Variants in UGT2B15 observed in about 807,000 individuals in gnomAD.
UGT2B15 encodes the protein UDP glucuronosyltransferase family 2 member B15.
UGT2B15 carries 36 observed loss-of-function variants against 45.9 expected under a neutral mutation model. The observed-to-expected ratio is 0.78, with a 90% CI of 0.60 to 1.04. The LOEUF (loss-of-function observed/expected upper bound fraction) is 1.04. Ranked by LOEUF, UGT2B15 falls within the 50% of genes least tolerant of loss-of-function variation. UGT2B15 has a pLI of 0.00. For missense variants in UGT2B15, 617 were observed against 622.4 expected (o/e 0.99, Z 0.09); for synonymous variants, 219 against 216.4 (o/e 1.01, Z -0.11).
chr4:68,663,225 G>A, intron 2 of UGT2B15, 86 bp from the exon 3 acceptor site: 2 of 1,302,606 alleles, frequency 1.5e-6, no homozygotes, highest in Non-Finnish European at 2.1e-6. Flanking sequence ...TCTAAGATGA[G>A]AAAGTCAGAA....
rs543587432 is a variant in UGT2B15, at chr4:68,655,018, G to A, written c.1093+77C>T. Reference sequence around the variant, plus strand: ...TTTTCCAATAATAAATGCTAAATATGTTTGTTTTATGTTGAACTATTATCA... The same window carrying A: ...TTTTCCAATAATAAATGCTAAATATATTTGTTTTATGTTGAACTATTATCA... On this transcript the variant is annotated intron_variant, in intron 4 of 5. Coordinates refer to ENST00000338206, the MANE Select transcript of UGT2B15 (RefSeq NM_001076.4). The A allele has an allele frequency of 6.8e-5, 101 of 1,482,702 alleles. 3 individuals carry two copies. In the South Asian group the frequency reaches 1.1e-3, roughly 16 times the overall value. The allele number at this position is 1,482,702 out of a possible 1,614,324, so 91.8% of individuals were successfully genotyped here. A position where few individuals can be genotyped will look rare whatever the true frequency, so the allele number is the denominator to read the frequency against.
chr4:68,654,568 T>C (rs1283464805), intron 4 of UGT2B15, among the ~76,000 whole-genome samples: 1 of 151,908 alleles, frequency 6.6e-6, no homozygotes, highest in African/African-American at 2.4e-5. Context: ...ACTTAAAATA[T>C]TTAAAATATT....
rs182035914 is a variant in UGT2B15, at chr4:68,669,435, C to T, written c.724+460G>A. ...CTCAACTGTGAAGGAATCCTTCTTA[C>T]ATGAAAAACAAAATTTAATTTCTAA... is the stretch of plus-strand genomic sequence containing the variant. On this transcript the variant is annotated intron_variant, in intron 1 of 5. Coordinates refer to ENST00000338206, the MANE Select transcript of UGT2B15 (RefSeq NM_001076.4). Among the ~76,000 whole-genome samples the T allele has an allele frequency of 3.0e-3, 450 of 152,096 alleles. 3 individuals are homozygous for T. Among genetic ancestry groups the T allele is most frequent in the African/African-American group, 0.01 (420 of 41,472 alleles).
intron 3 of UGT2B15, among the ~76,000 whole-genome samples, chr4:68,660,375 C>A (rs559156059): frequency 6.6e-6 from 1 of 151,950 alleles, no homozygotes; most frequent in South Asian, 2.1e-4. Context: ...GAGAGGAATT[C>A]ACCCAACTCG....
chr4:68,654,254 G>A lies in UGT2B15; in HGVS notation c.1096C>T (p.His366Tyr), dbSNP rs770353276. The stretch of plus-strand genomic sequence containing the variant: ...GTTATAAAAGCTTTGGTTTTGGGAT[G>A]ACCTAAAAGTGGATGCATTTTAACA... ...KWLPQNDLLG[H>Y]PKTKAFITHG... Residue 366 changes from histidine to tyrosine, a missense_variant and splice_region_variant, in exon 5 of 6, where the codon CAT becomes TAT. Physicochemically the swap from His to Tyr is moderately conservative, Grantham distance 83. Around this residue, in one of 3 missense-constraint regions of UGT2B15, gnomAD observed 265 missense variants for 245.1 expected, o/e 1.08. Coordinates refer to ENST00000338206, the MANE Select transcript of UGT2B15 (RefSeq NM_001076.4). The A allele has an allele frequency of 5.0e-6, 8 of 1,611,786 alleles. No homozygotes were observed. The highest frequency in any genetic ancestry group is 6.8e-6 in the Non-Finnish European group (8 of 1,178,732).
chr4:68,664,266 C>CAAA (rs151053424), intron 2 of UGT2B15, among the ~76,000 whole-genome samples: 17,752 of 142,748 alleles, frequency 0.12, 1,280 homozygotes, highest in Non-Finnish European at 0.17. Flanking sequence ...ATTCTCACAC[C>CAAA]AAAAAAAAAA....
At chr4:68,660,002 A>G (rs1468955946) in intron 3 of UGT2B15, among the ~76,000 whole-genome samples, 2 of 147,510 alleles carry the variant, frequency 1.4e-5, no homozygotes, top group Non-Finnish European at 3.0e-5. Context: ...GTATACTCCT[A>G]TGAAAAAAAT....
intron 5 of UGT2B15, among the ~76,000 whole-genome samples, chr4:68,648,921 A>T (rs1051701236): frequency 8.6e-5 from 13 of 151,998 alleles, no homozygotes; most frequent in Non-Finnish European, 1.0e-4. Flanking sequence ...TGATTAATGG[A>T]TATTTGTGTT....
intron 5 of UGT2B15, 97 bp downstream of exon 5, chr4:68,653,940 C>T (rs1732726235): frequency 6.7e-7 from 1 of 1,490,226 alleles, no homozygotes; most frequent in South Asian, 1.3e-5. Flanking sequence ...ACTTCAATCC[C>T]TTCAAAATTA....
chr4:68,667,075 T>C (rs1733153131), intron 2 of UGT2B15, among the ~76,000 whole-genome samples: 1 of 151,968 alleles, frequency 6.6e-6, no homozygotes, highest in Non-Finnish European at 1.5e-5. Context: ...AACCTTTTCC[T>C]GTAAATTAAA....
At chr4:68,656,675 G>A (rs185931332) in intron 3 of UGT2B15, among the ~76,000 whole-genome samples, 1 of 152,186 alleles carries the variant, frequency 6.6e-6, no homozygotes, top group East Asian at 1.9e-4. Context: ...GCCATTTGCA[G>A]TATGAAAAAT....
rs762444500 is a variant in UGT2B15, at chr4:68,654,180, A to G, written c.1170T>C (p.Pro390=). The change falls in exon 5 of 6, where the codon CCT becomes CCC. Residue 390 remains proline (P), a synonymous_variant. Coordinates refer to ENST00000338206, the MANE Select transcript of UGT2B15 (RefSeq NM_001076.4). ...GIYEAIYHGI[P]MVGIPLFADQ... is the part of the protein sequence containing the mutation. ...CCGCAAACAAGGGAATGCCCACCAT[A>G]GGGATCCCATGGTAGATCGCCTCAT... is the stretch of plus-strand genomic sequence containing the variant. 2 of 1,613,650 alleles carry G rather than the reference A, an allele frequency of 1.2e-6. No individual in the cohort carries two copies. Among genetic ancestry groups the G allele is most frequent in the South Asian group, 1.1e-5 (1 of 91,068 alleles).
intron 3 of UGT2B15, among the ~76,000 whole-genome samples, chr4:68,662,443 T>C (rs1182608117): frequency 9.4e-5 from 14 of 149,704 alleles, no homozygotes; most frequent in Admixed American, 5.4e-4. Context: ...TCCAGAGCAG[T>C]GGCTAGTCAG....
chr4:68,670,048 G>A lies in UGT2B15; in HGVS notation c.571C>T (p.Pro191Ser). The A allele has an allele frequency of 1.2e-6, 2 of 1,613,988 alleles. No individual in the cohort carries two copies. The highest frequency in any genetic ancestry group is 1.7e-6 in the Non-Finnish European group (2 of 1,179,956). The change falls in exon 1 of 6, where the codon CCT (proline) becomes TCT (serine). Residue 191 changes from proline (P) to serine (S), a missense_variant. Physicochemically the swap from Pro to Ser is moderately conservative, Grantham distance 74. This residue lies in a region of UGT2B15 where 351 missense variants were observed against 342.1 expected (regional missense o/e 1.03). Transcript: ENST00000338206. Reference protein sequence around the residue: ...FEKNGGGFLFPPSYVPVVMSE... With the variant: ...FEKNGGGFLFSPSYVPVVMSE... ...ATAACAACAGGTACATAGGAAGGAGGGAACAGAAATCCTCCACCATTCTTC... is the reference window on the plus strand; with the variant it reads ...ATAACAACAGGTACATAGGAAGGAGAGAACAGAAATCCTCCACCATTCTTC...
intron 5 of UGT2B15, among the ~76,000 whole-genome samples, chr4:68,650,684 A>G (rs1158785805): frequency 1.3e-5 from 2 of 152,130 alleles, no homozygotes; most frequent in Non-Finnish European, 2.9e-5. Context: ...TGCTAGGTCA[A>G]ATGGTGTTTC....
At chr4:68,648,908 T>C (rs1732566815) in intron 5 of UGT2B15, among the ~76,000 whole-genome samples, 1 of 152,040 alleles carries the variant, frequency 6.6e-6, no homozygotes, top group African/African-American at 2.4e-5. Flanking sequence ...TCTCTTCATT[T>C]TGTGATTAAT....
intron 3 of UGT2B15, among the ~76,000 whole-genome samples, chr4:68,656,903 G>C (rs1430614507): frequency 6.6e-6 from 1 of 151,958 alleles, no homozygotes; most frequent in Non-Finnish European, 1.5e-5. Context: ...ATTTTACCTT[G>C]GCATGTGTAA....
chr4:68,669,664 T>G (rs1733242100), intron 1 of UGT2B15, among the ~76,000 whole-genome samples: 1 of 152,156 alleles, frequency 6.6e-6, no homozygotes, highest in Admixed American at 6.5e-5. Context: ...TGCTTTACAA[T>G]GAAGGTTTAT....
chr4:68,670,508 T>C lies in UGT2B15; in HGVS notation c.111A>G (p.Ile37Met). ...GCTCTTCCAGGATTGTCTTCATATT[T>C]ATCCAATGGCTGTATTCTGTGGGCC... ...LVWPTEYSHWINMKTILEELV... is the reference protein window; with the variant it reads ...LVWPTEYSHWMNMKTILEELV... Residue 37 changes from isoleucine (I) to methionine (M), a missense_variant, in exon 1 of 6, where the codon ATA becomes ATG. Transcript: ENST00000338206. The C allele has an allele frequency of 6.2e-7, 1 of 1,613,996 alleles. No homozygotes were observed. The highest frequency in any genetic ancestry group is 8.5e-7 in the Non-Finnish European group (1 of 1,179,964).
Sources: gnomAD v4.1 joint callset for allele counts (sites outside exome capture counted in the v4.1 genomes callset) on GRCh38, gnomAD v4.1.1 for gene constraint, gnomAD v4.1.1 regional missense constraint, MANE v1.5 for transcripts, NCBI Gene and HGNC (gene_info 2026-07-23, HGNC 2026-07-21) for gene names.